The following DENND2B variants were observed in gnomAD, a reference collection of about 807,000 sequenced individuals.
The protein encoded by DENND2B is DENN domain-containing protein 2B.
Under a neutral mutation model 116.0 loss-of-function variants are expected in DENND2B, and 32 were observed. The ratio of observed to expected loss-of-function variants is 0.28; its 90% confidence interval spans 0.21 to 0.37. The LOEUF (loss-of-function observed/expected upper bound fraction) is 0.37. Among genes scored for constraint, DENND2B ranks in the 10% least tolerant of loss-of-function variants. The pLI is 1.00. For synonymous variants in DENND2B, 588 were observed against 583.9 expected, an observed-to-expected ratio of 1.01 and a Z score of -0.10; for missense variants, 1,276 against 1,477.7, an observed-to-expected ratio of 0.86 and a Z score of 2.24.
intron 1 of DENND2B, among the ~76,000 whole-genome samples, chr11:8,884,235 G>T (rs960875711): frequency 6.6e-6 from 1 of 151,914 alleles, no homozygotes; most frequent in Admixed American, 6.6e-5. Context: ...GTGAAGGTGG[G>T]GATGGGGTCA....
At chr11:8,725,385 T>C (rs1364257021) in intron 4 of DENND2B, among the ~76,000 whole-genome samples, 2 of 151,894 alleles carry the variant, frequency 1.3e-5, no homozygotes, top group Non-Finnish European at 2.9e-5. Context: ...CTTTTTTTTT[T>C]TTTTTTGAGA....
intron 2 of DENND2B, among the ~76,000 whole-genome samples, chr11:8,865,760 G>T (rs1021702604): frequency 2.0e-5 from 3 of 150,778 alleles, no homozygotes; most frequent in East Asian, 3.9e-4. Flanking sequence ...CTTTAAGAGA[G>T]ATTAAATCTC....
chr11:8,711,260 C>T, intron 9 of DENND2B, 29 bp from the exon 10 acceptor site: 1 of 1,606,520 alleles, frequency 6.2e-7, no homozygotes, highest in Non-Finnish European at 8.5e-7. Context: ...CAGGAGATGA[C>T]ATGGAACCTG....
intron 8 of DENND2B, among the ~76,000 whole-genome samples, chr11:8,713,258 C>A (rs2044094011): frequency 6.6e-6 from 1 of 152,158 alleles, no homozygotes; most frequent in Admixed American, 6.5e-5. Flanking sequence ...TCAAGCTCCT[C>A]TCTGGGGACA....
chr11:8,883,010 T>C (rs2063919142), intron 1 of DENND2B, among the ~76,000 whole-genome samples: 1 of 152,176 alleles, frequency 6.6e-6, no homozygotes, highest in Non-Finnish European at 1.5e-5. Flanking sequence ...AATTTTTAAA[T>C]ATTATTTTTA....
Position 8,715,654 on chromosome 11 carries a change from G to A in DENND2B, c.1794C>T (p.Leu598=), listed in dbSNP as rs963454582. 2.5e-6 allele frequency: 4 copies of A among 1,614,124 alleles called. No homozygotes were observed. The highest frequency in any genetic ancestry group is 2.2e-5 in the South Asian group (2 of 91,084). ...SSPSSLNEDS[L]STTSELLSSR... ...TGGACAGCAGCTCGCTGGTGGTGCT[G>A]AGGCTGTCTTCATTGAGGCTGGAGG... Residue 598 remains leucine (L), a synonymous_variant, in exon 6 of 20, where the codon CTC becomes CTT. Coordinates refer to ENST00000313726, the MANE Select transcript of DENND2B (RefSeq NM_213618.2).
intron 1 of DENND2B, among the ~76,000 whole-genome samples, chr11:8,900,031 C>G (rs1406065458): frequency 1.3e-5 from 2 of 152,126 alleles, no homozygotes; most frequent in Admixed American, 1.3e-4. Flanking sequence ...TGGCTCACAC[C>G]TGTAATCTCA....
chr11:8,774,863 G>A (rs768118617), intron 1 of DENND2B, among the ~76,000 whole-genome samples: 4 of 137,846 alleles, frequency 2.9e-5, no homozygotes, highest in Admixed American at 7.1e-5. Context: ...TATTTTTTTC[G>A]TTTTTTTTTT....
rs2042766898 is a variant in DENND2B at position 8,707,282 on chromosome 11, C to A, written c.2431-57G>T. 1 of 1,564,688 alleles carries A rather than the reference C, an allele frequency of 6.4e-7. No homozygotes were observed. Among genetic ancestry groups the A allele is most frequent in the Admixed American group, 1.8e-5 (1 of 55,210 alleles). On this transcript the variant is annotated intron_variant, in intron 12 of 19. Coordinates refer to ENST00000313726, the MANE Select transcript of DENND2B (RefSeq NM_213618.2). This position sits in a 1 kb window ranked among gnomAD's most constrained non-coding sequence, Gnocchi z 4.8. ...GGGTGTCAGGGCACTGCCCTTCCCC[C>A]TCCTGGCAGAGAAGAGGGCAGCCAA...
chr11:8,806,605 AACACACACACACACAC>A (rs71059180), intron 1 of DENND2B, among the ~76,000 whole-genome samples: 15 of 118,492 alleles, frequency 1.3e-4, no homozygotes, highest in Admixed American at 2.8e-4. Flanking sequence ...CTCCCTTCAA[AACACACACACACACAC>A]ACACACACAC....
chr11:8,717,819 T>C lies in DENND2B; in HGVS notation c.1551A>G (p.Gln517=), dbSNP rs1375907704. 6.2e-7 allele frequency: 1 copy of C among 1,613,402 alleles called. No homozygotes were observed. The highest frequency in any genetic ancestry group is 1.1e-5 in the South Asian group (1 of 91,054). The stretch of plus-strand genomic sequence containing the variant: ...AAGAGTCCAAGGAGTTCTCAGACAG[T>C]TGCTGGGATTTTCGTCCTGCTCTTC... The part of the protein sequence containing the change: ...KSRRAGRKSQ[Q]LSENSLDSLH... The change falls in exon 5 of 20, where the codon CAA becomes CAG. Residue 517 remains glutamine (Q), a synonymous_variant. Transcript: ENST00000313726.
intron 1 of DENND2B, among the ~76,000 whole-genome samples, chr11:8,804,046 C>T (rs1593943699): frequency 6.6e-6 from 1 of 152,194 alleles, no homozygotes; most frequent in East Asian, 1.9e-4. Flanking sequence ...ACGGGTCTCC[C>T]CGTCTGTGAG....
intron 1 of DENND2B, among the ~76,000 whole-genome samples, chr11:8,908,554 T>G (rs1340738328): frequency 6.6e-6 from 1 of 152,156 alleles, no homozygotes; most frequent in African/African-American, 2.4e-5. Flanking sequence ...CCATAAAAAA[T>G]AAAGAGGACC....
intron 7 of DENND2B, 58 bp from the exon 8 acceptor site, chr11:8,714,100 T>TC (rs2044282215): frequency 2.5e-6 from 4 of 1,578,180 alleles, no homozygotes; most frequent in African/African-American, 2.7e-5. Context: ...TGTTTTTTGC[T>TC]CCCCCACCAC....
chr11:8,851,648 A>G (rs999347008), intron 3 of DENND2B, among the ~76,000 whole-genome samples: 1 of 152,176 alleles, frequency 6.6e-6, no homozygotes, highest in African/African-American at 2.4e-5. Flanking sequence ...GGAATCCCCA[A>G]AATAATCAAG....
At chr11:8,876,878 CAAAA>C (rs34676489) in intron 2 of DENND2B, among the ~76,000 whole-genome samples, 2 of 122,694 alleles carry the variant, frequency 1.6e-5, no homozygotes, top group Non-Finnish European at 3.4e-5. Context: ...GATTCCGTCT[CAAAA>C]AAAAAAAAAA....
At chr11:8,774,664 AG>A (rs1207060405) in intron 1 of DENND2B, among the ~76,000 whole-genome samples, 1 of 152,102 alleles carries the variant, frequency 6.6e-6, no homozygotes, top group Admixed American at 6.5e-5. Context: ...CCACAAGTCA[AG>A]GGGCACAGCA....
chr11:8,769,358 C>T lies in DENND2B; in HGVS notation c.-25-18633G>A, dbSNP rs145428937. On this transcript the variant is annotated intron_variant, in intron 1 of 19. Coordinates refer to ENST00000313726, the MANE Select transcript of DENND2B (RefSeq NM_213618.2). ...GTTCAAGTGATTCTCGTGCCTCAGC[C>T]TCCTGAGTAGCTGGGATGACAGGCT... Among the ~76,000 whole-genome samples the T allele has an allele frequency of 6.8e-3, 1,030 of 152,006 alleles. 14 individuals carry two copies. Among genetic ancestry groups the T allele is most frequent in the African/African-American group, 0.022 (905 of 41,406 alleles).
At chr11:8,829,742 C>A (rs2062131079) in intron 4 of DENND2B, among the ~76,000 whole-genome samples, 1 of 152,154 alleles carries the variant, frequency 6.6e-6, no homozygotes, top group African/African-American at 2.4e-5. Context: ...ACGGGTCCCG[C>A]CCCACCACTA....
Sources: allele counts gnomAD v4.1 joint callset (sites outside exome capture counted in the v4.1 genomes callset), GRCh38; gene constraint gnomAD v4.1.1; non-coding constraint Gnocchi (gnomAD v3.1); transcripts MANE v1.5; gene names NCBI Gene and HGNC (gene_info 2026-07-23, HGNC 2026-07-21).